Variants in HACD2 observed in about 807,000 individuals in gnomAD.
HACD2 encodes very-long-chain (3R)-3-hydroxyacyl-CoA dehydratase 2.
Under a neutral mutation model 31.0 loss-of-function variants are expected in HACD2, and 15 were observed. The ratio of observed to expected loss-of-function variants is 0.48; its 90% CI spans 0.32 to 0.75. The LOEUF (loss-of-function observed/expected upper bound fraction) is 0.75, where lower values mean the gene tolerates loss of function less well. Ranked by LOEUF, HACD2 falls within the 30% of genes least tolerant of loss-of-function variation. The pLI is 0.03. For missense variants in HACD2, 283 were observed against 313.0 expected (o/e 0.90, Z 0.72); for synonymous variants, 115 against 122.2 (o/e 0.94, Z 0.39).
At position 123,576,249 on chromosome 3, in the gene HACD2, CTTTT is replaced by C. The variant is rs34519256; in HGVS notation, c.273+5959_273+5962del. Reference sequence around the variant, plus strand: ...ATTGCCACCATTGATATTTTTAGTTCTTTTTTTTTTTTAATTTCAGTACATTCCC... The same window carrying C: ...ATTGCCACCATTGATATTTTTAGTTCTTTTTTTTAATTTCAGTACATTCCC... On this transcript the variant is annotated intron_variant, in intron 2 of 6. Coordinates refer to ENST00000383657, the MANE Select transcript of HACD2 (RefSeq NM_198402.5). Among the ~76,000 whole-genome samples, 519 of 147,066 alleles carry C rather than the reference CTTTT, an allele frequency of 3.5e-3. 4 individuals carry two copies. The highest frequency in any genetic ancestry group is 5.8e-3 in the Non-Finnish European group (380 of 66,086).
At chr3:123,567,878 C>A in intron 2 of HACD2, 98 bp from the exon 3 acceptor site, 1 of 657,540 alleles carries the variant, frequency 1.5e-6, no homozygotes, top group Non-Finnish European at 2.4e-6. Context: ...AATAGAGCAG[C>A]GTCTGCCAGC....
At chr3:123,500,322 A>G (rs773676942) in intron 6 of HACD2, among the ~76,000 whole-genome samples, 193 bp downstream of exon 6, 1 of 152,202 alleles carries the variant, frequency 6.6e-6, no homozygotes, top group Admixed American at 6.5e-5. Flanking sequence ...CTGTATTGAG[A>G]AGGGTTCATC....
intron 4 of HACD2, among the ~76,000 whole-genome samples, chr3:123,519,714 AC>A (rs756545260): frequency 6.6e-6 from 1 of 152,260 alleles, no homozygotes; most frequent in Non-Finnish European, 1.5e-5. Context: ...TAAAGGACTG[AC>A]ATTTTGGCAA....
chr3:123,542,419 A>G (rs2056504697), intron 3 of HACD2, among the ~76,000 whole-genome samples: 1 of 152,188 alleles, frequency 6.6e-6, no homozygotes, highest in African/African-American at 2.4e-5. Flanking sequence ...TGTTGAAACA[A>G]CCATACTCAC....
Position 123,500,692 on chromosome 3 carries a change from A to G in HACD2, c.505T>C (p.Tyr169His), listed in dbSNP as rs1266151659. 1 of 1,585,310 alleles carries G rather than the reference A, an allele frequency of 6.3e-7. No individual in the cohort carries two copies. The highest frequency in any genetic ancestry group is 8.5e-7 in the Non-Finnish European group (1 of 1,170,304). Residue 169 changes from tyrosine to histidine, a missense_variant and splice_region_variant, in exon 6 of 7, where the codon TAC becomes CAC. By Grantham distance (83) the Tyr-to-His change is moderately conservative (BLOSUM62 2). Transcript: ENST00000383657. Reference sequence around the variant, plus strand: ...GGGTACAGCACAATGAAAAGTGTGTACCTAAAACAAAACAAAATATTCATT... The same window carrying G: ...GGGTACAGCACAATGAAAAGTGTGTGCCTAAAACAAAACAAAATATTCATT... ...HLPYLIKWAR[Y>H]TLFIVLYPMG...
intron 3 of HACD2, among the ~76,000 whole-genome samples, chr3:123,554,960 T>G (rs1338842647): frequency 6.6e-6 from 1 of 152,194 alleles, no homozygotes; most frequent in East Asian, 1.9e-4. Flanking sequence ...AAGCAATTGC[T>G]ATAGAAGATG....
intron 3 of HACD2, among the ~76,000 whole-genome samples, chr3:123,553,825 A>T (rs929435966): frequency 1.3e-5 from 2 of 152,026 alleles, no homozygotes; most frequent in Non-Finnish European, 2.9e-5. Context: ...CTGGCCCAAG[A>T]GTCTCATGTT....
At chr3:123,532,708 C>T (rs1437880207) in intron 3 of HACD2, among the ~76,000 whole-genome samples, 5 of 151,924 alleles carry the variant, frequency 3.3e-5, no homozygotes, top group South Asian at 4.2e-4. Context: ...TGGTGGCAGT[C>T]GCCTGTAATC....
chr3:123,494,551 C>T lies in HACD2; in HGVS notation c.*337G>A. The T allele has an allele frequency of 3.1e-6, 1 of 321,196 alleles. No homozygotes were observed. Among genetic ancestry groups the T allele is most frequent in the South Asian group, 3.2e-5 (1 of 31,672 alleles). The allele number at this position is 321,196 out of a possible 1,614,324, so 19.9% of individuals were successfully genotyped here. On this transcript the variant is annotated 3_prime_UTR_variant, in exon 7 of 7. Transcript: ENST00000383657. ...ACTTCATTATTCAGACTGTAACTCT[C>T]AAGTACTTAGTGTTACAGGTCTTCA...
chr3:123,523,026 A>G (rs748917068), intron 4 of HACD2, among the ~76,000 whole-genome samples: 3 of 152,184 alleles, frequency 2.0e-5, no homozygotes, highest in South Asian at 4.1e-4. Context: ...CGGATGGCGC[A>G]TGCTGGGAAG....
chr3:123,530,179 C>G (rs1559912968), intron 3 of HACD2, among the ~76,000 whole-genome samples: 1 of 151,970 alleles, frequency 6.6e-6, no homozygotes, highest in African/African-American at 2.4e-5. Context: ...ATAGAGGAAG[C>G]CTTTGATTTC....
chr3:123,569,119 AAAAAC>A (rs2056825667), intron 2 of HACD2, among the ~76,000 whole-genome samples: 2 of 152,330 alleles, frequency 1.3e-5, no homozygotes, highest in South Asian at 4.1e-4. Context: ...ATTGGATTAA[AAAAAC>A]AAATCAAGCT....
intron 3 of HACD2, among the ~76,000 whole-genome samples, chr3:123,564,561 A>G (rs763722977): frequency 3.3e-5 from 5 of 152,150 alleles, no homozygotes; most frequent in Admixed American, 6.5e-5. Flanking sequence ...TCCAGTAGAC[A>G]TTGTTGCTGA....
chr3:123,532,261 A>G (rs893493610), intron 3 of HACD2, among the ~76,000 whole-genome samples: 3 of 152,160 alleles, frequency 2.0e-5, no homozygotes, highest in African/African-American at 7.2e-5. Context: ...TAGACACCTT[A>G]ATTTTCCCCA....
Position 123,493,854 on chromosome 3 carries a change from TAGCA to T in HACD2, c.*1030_*1033del, listed in dbSNP as rs2055798211. 1.3e-5 allele frequency: 2 copies of T among 152,224 alleles called. No homozygotes were observed. The highest frequency in any genetic ancestry group is 4.8e-5 in the African/African-American group (2 of 41,456). 9.4% of individuals were successfully genotyped at this position (152,224 alleles called of 1,614,324 possible). On this transcript the variant is annotated 3_prime_UTR_variant, in exon 7 of 7. Transcript: ENST00000383657. ...GTGGAAATTAACATAGGAAGTTAAT[TAGCA>T]AAAGTATCCAAACAGAAGAGTGAAT... is the stretch of plus-strand genomic sequence containing the variant.
chr3:123,523,977 C>T (rs573750117), intron 4 of HACD2, among the ~76,000 whole-genome samples: 12 of 152,310 alleles, frequency 7.9e-5, no homozygotes, highest in African/African-American at 1.2e-4. Flanking sequence ...TCAGCAAAGA[C>T]GCTGGATTTT....
At chr3:123,549,879 T>C (rs2056599951) in intron 3 of HACD2, among the ~76,000 whole-genome samples, 1 of 152,224 alleles carries the variant, frequency 6.6e-6, no homozygotes, top group South Asian at 2.1e-4. Flanking sequence ...GGGTGTTTTC[T>C]GCCCCAAAAT....
intron 1 of HACD2, chr3:123,584,540 C>A: frequency 4.4e-6 from 1 of 225,930 alleles, no homozygotes; most frequent in Non-Finnish European, 8.6e-6. Context: ...CTCCGCGCCG[C>A]AGGTAGTCCG....
intron 3 of HACD2, among the ~76,000 whole-genome samples, chr3:123,540,871 T>C (rs1299797623): frequency 6.6e-6 from 1 of 152,210 alleles, no homozygotes; most frequent in African/African-American, 2.4e-5. Context: ...AACCCATAAG[T>C]ACCTTGAATG....
Sources: allele counts gnomAD v4.1 joint callset (sites outside exome capture counted in the v4.1 genomes callset), GRCh38; gene constraint gnomAD v4.1.1; transcripts MANE v1.5; gene names NCBI Gene and HGNC (gene_info 2026-07-23, HGNC 2026-07-21).